The following LAMA4 variants were observed in gnomAD, a reference collection of about 807,000 sequenced individuals.
LAMA4 encodes the protein laminin subunit alpha-4.
Under a neutral mutation model 207.1 loss-of-function variants are expected in LAMA4, and 127 were observed. The observed-to-expected ratio is 0.61, with a 90% CI of 0.53 to 0.71. The LOEUF is 0.71. Among genes scored for constraint, LAMA4 ranks in the 30% least tolerant of loss-of-function variants. The probability of loss-of-function intolerance (pLI) is 0.00; values close to 1 mark genes in which losing one functional copy is unlikely to be tolerated. For synonymous variants in LAMA4, 761 were observed against 816.0 expected, an observed-to-expected ratio of 0.93 and a Z score of 1.15; for missense variants, 2,093 against 2,246.5, an observed-to-expected ratio of 0.93 and a Z score of 1.38.
At chr6:112,157,220 CA>C (rs1780772366) in intron 14 of LAMA4, among the ~76,000 whole-genome samples, 2 of 152,080 alleles carry the variant, frequency 1.3e-5, no homozygotes, top group South Asian at 4.1e-4. Context: ...ACAAAAGAAA[CA>C]AAATGTTACA....
At chr6:112,129,690 G>A (rs1300641013) in intron 30 of LAMA4, among the ~76,000 whole-genome samples, 186 bp downstream of exon 30, 4 of 152,038 alleles carry the variant, frequency 2.6e-5, no homozygotes, top group Admixed American at 2.6e-4. Context: ...AGGTCATATG[G>A]AAATTAAAGG....
At chr6:112,195,690 C>T (rs1256799239) in intron 5 of LAMA4, among the ~76,000 whole-genome samples, 2 of 152,154 alleles carry the variant, frequency 1.3e-5, no homozygotes, top group Non-Finnish European at 2.9e-5. Flanking sequence ...CATGATCAAT[C>T]ATCATGTAGT....
At chr6:112,140,409 G>T (rs1248704064) in intron 22 of LAMA4, among the ~76,000 whole-genome samples, 2 of 152,150 alleles carry the variant, frequency 1.3e-5, no homozygotes, top group East Asian at 3.9e-4. Context: ...CTGAATTTTT[G>T]AAACCACCAC....
chr6:112,118,240 T>C lies in LAMA4; in HGVS notation c.4822-342A>G, dbSNP rs1778140520. 6.6e-6 allele frequency among the ~76,000 whole-genome samples: 1 copy of C among 152,226 alleles called. No homozygotes were observed. The highest frequency in any genetic ancestry group is 1.5e-5 in the Non-Finnish European group (1 of 68,036). ...CAGCTGTGCCAAGATCACCTAAGGCTGATGAGGGCTAGCAAAGTTCTTTAC... is the reference window on the plus strand; with the variant it reads ...CAGCTGTGCCAAGATCACCTAAGGCCGATGAGGGCTAGCAAAGTTCTTTAC... On this transcript the variant is annotated intron_variant, in intron 34 of 38. Coordinates refer to ENST00000230538, the MANE Select transcript of LAMA4 (RefSeq NM_001105206.3). This position sits in a 1 kb window ranked among gnomAD's most constrained non-coding sequence, Gnocchi z 4.6.
At chr6:112,179,186 A>G (rs1174556970) in intron 9 of LAMA4, 1 of 152,058 alleles carries the variant, frequency 6.6e-6, no homozygotes, top group Non-Finnish European at 1.5e-5. Flanking sequence ...TCTGTTTCAG[A>G]GATCTCACAC....
rs138866987 is a variant in LAMA4, at chr6:112,205,543, A to G, written c.422+1478T>C. Among the ~76,000 whole-genome samples, 392 of 151,682 alleles carry G rather than the reference A, an allele frequency of 2.6e-3. 2 individuals carry two copies. Among genetic ancestry groups the G allele is most frequent in the African/African-American group, 8.6e-3 (358 of 41,470 alleles). On this transcript the variant is annotated intron_variant, in intron 4 of 38. Transcript: ENST00000230538. ...ATTTGAATATGAACCTAGATTGGCT[A>G]CTCTTTCTACTTGTGGCATAATAAA...
intron 2 of LAMA4, among the ~76,000 whole-genome samples, chr6:112,229,954 C>T (rs879996318): frequency 2.6e-5 from 4 of 151,852 alleles, no homozygotes; most frequent in South Asian, 4.2e-4. Context: ...GAATCAAGAA[C>T]GTTTCATATG....
At chr6:112,180,073 T>C (rs1299234776) in intron 9 of LAMA4, 4 of 367,560 alleles carry the variant, frequency 1.1e-5, no homozygotes, top group African/African-American at 8.6e-5. Flanking sequence ...ATTTTAGAAT[T>C]TTTAATGAGT....
rs781800213 is a variant in LAMA4, at chr6:112,185,118, G to A, written c.1077+119C>T. On this transcript the variant is annotated intron_variant, in intron 9 of 38. Transcript: ENST00000230538. The stretch of plus-strand genomic sequence containing the variant: ...GGTCTTGATTTATTTTAAGGCACAT[G>A]GGTCACTGCATTTTTTCTGGGCTGT... 198 of 767,128 alleles carry A rather than the reference G, an allele frequency of 2.6e-4. 1 individual carries two copies. Among genetic ancestry groups the A allele is most frequent in the Non-Finnish European group, 4.1e-4 (173 of 418,610 alleles). The allele number at this position is 767,128 out of a possible 1,614,324, so 47.5% of individuals were successfully genotyped here. A position where few individuals can be genotyped will look rare whatever the true frequency, so the allele number is the denominator to read the frequency against.
intron 32 of LAMA4, 31 bp from the exon 33 acceptor site, chr6:112,120,503 T>G: frequency 6.5e-7 from 1 of 1,536,206 alleles, no homozygotes; most frequent in Non-Finnish European, 9.0e-7. Flanking sequence ...GATTACCATA[T>G]GTAAAATGAG....
intron 8 of LAMA4, among the ~76,000 whole-genome samples, chr6:112,186,267 T>C (rs1328273015): frequency 2.0e-5 from 3 of 152,218 alleles, no homozygotes; most frequent in Non-Finnish European, 4.4e-5. Flanking sequence ...TGAGGAATTA[T>C]AGAGGTTAAA....
chr6:112,207,031 G>C lies in LAMA4; in HGVS notation c.412C>G (p.His138Asp). 6.2e-7 allele frequency: 1 copy of C among 1,613,896 alleles called. No individual in the cohort carries two copies. The highest frequency in any genetic ancestry group is 8.5e-7 in the Non-Finnish European group (1 of 1,179,928). ...FCQPCPCPLP[H>D]LANFAESCYR... is the part of the protein sequence containing the mutation. ...TCCTTTAGGACTTACTTGGCCAAGT[G>C]GGGCAGGGGACAGGGGCACGGCTGG... is the stretch of plus-strand genomic sequence containing the variant. The change falls in exon 4 of 39, where the codon CAC (histidine) becomes GAC (aspartate). Residue 138 changes from histidine to aspartate, a missense_variant. Physicochemically the swap from His to Asp is moderately conservative, Grantham distance 81 (BLOSUM62 -1). This residue lies in a region of LAMA4 where 1,704 missense variants were observed against 1,788.4 expected (regional missense o/e 0.95). Coordinates refer to ENST00000230538, the MANE Select transcript of LAMA4 (RefSeq NM_001105206.3).
At chr6:112,200,165 G>A (rs1783653155) in intron 5 of LAMA4, 1 of 533,110 alleles carries the variant, frequency 1.9e-6, no homozygotes, top group Non-Finnish European at 3.8e-6. Flanking sequence ...CTCGTGCTCT[G>A]TGGAGAAGGC....
intron 8 of LAMA4, 58 bp downstream of exon 8, chr6:112,187,392 C>T: frequency 1.3e-6 from 2 of 1,598,634 alleles, no homozygotes; most frequent in Middle Eastern, 3.3e-4. Context: ...GAATTACTAG[C>T]TGCGGGCCTG....
intron 4 of LAMA4, among the ~76,000 whole-genome samples, chr6:112,204,474 CA>C (rs11287023): frequency 0.21 from 28,088 of 135,822 alleles, 2,949 homozygotes; most frequent in East Asian, 0.45. Context: ...CTGCTACTGC[CA>C]AAAAAAAAAA....
chr6:112,200,113 G>A (rs782190458), intron 5 of LAMA4: 4 of 533,200 alleles, frequency 7.5e-6, no homozygotes, highest in Admixed American at 1.9e-5. Flanking sequence ...GGCAGGTGGA[G>A]GGAATGGGAA....
chr6:112,126,395 A>G (rs529876699), intron 31 of LAMA4, among the ~76,000 whole-genome samples: 47 of 152,274 alleles, frequency 3.1e-4, no homozygotes, highest in African/African-American at 1.1e-3. Context: ...TTTATAGTAT[A>G]CTCTGAAAAC....
chr6:112,141,264 GTGTA>G, intron 21 of LAMA4, 90 bp downstream of exon 21: 4 of 1,135,632 alleles, frequency 3.5e-6, no homozygotes, highest in Non-Finnish European at 5.4e-6. Flanking sequence ...CAGGAAGACT[GTGTA>G]TGTGTGTGTG....
At chr6:112,206,965 AACAAAACAAT>A in intron 4 of LAMA4, 46 bp downstream of exon 4, 1 of 1,608,120 alleles carries the variant, frequency 6.2e-7, no homozygotes, top group African/African-American at 1.3e-5. Flanking sequence ...AACAAAACAA[AACAAAACAAT>A]ACATAGACTG....
Sources: gnomAD v4.1 joint callset for allele counts (sites outside exome capture counted in the v4.1 genomes callset) on GRCh38, gnomAD v4.1.1 for gene constraint, gnomAD v4.1.1 regional missense constraint, Gnocchi (gnomAD v3.1) non-coding constraint, MANE v1.5 for transcripts, NCBI Gene and HGNC (gene_info 2026-07-23, HGNC 2026-07-21) for gene names.